Variants in TTC7A observed in about 807,000 individuals in gnomAD.
TTC7A encodes the protein tetratricopeptide repeat domain 7A.
Under a neutral mutation model 103.7 loss-of-function variants are expected in TTC7A, and 110 were observed. That is an observed-to-expected ratio of 1.06 (90% CI 0.91 to 1.24). The LOEUF (loss-of-function observed/expected upper bound fraction) is 1.24, where lower values mean the gene tolerates loss of function less well. Ranked by LOEUF, TTC7A falls within the 50% of genes most tolerant of loss-of-function variation. TTC7A has a pLI of 0.00. For synonymous variants in TTC7A, 521 were observed against 467.9 expected (o/e 1.11, Z -1.47); for missense variants, 1,340 against 1,116.3 (o/e 1.20, Z -2.86).
At chr2:46,978,264 G>A (rs1674069972) in intron 4 of TTC7A, 2 of 154,008 alleles carry the variant, frequency 1.3e-5, no homozygotes, top group Admixed American at 1.3e-4. Flanking sequence ...GAGTGGAGAG[G>A]GGAACCTGAC....
intron 1 of TTC7A, among the ~76,000 whole-genome samples, chr2:46,945,524 G>A (rs900311312): frequency 3.3e-5 from 5 of 152,116 alleles, no homozygotes; most frequent in East Asian, 1.9e-4. Context: ...CTGGGATTAC[G>A]GGCGTGAGCC....
rs1368982572 is a variant in TTC7A, at chr2:46,990,054, C to T, written c.765-3396C>T. On this transcript the variant is annotated intron_variant, in intron 5 of 19. Coordinates refer to ENST00000319190, the MANE Select transcript of TTC7A (RefSeq NM_020458.4). ...CTTGGTAGCAGGTGCCAGGACCTGCCGGCCCCCTGTAGGCCACAGGGCCCT... is the reference window on the plus strand; with the variant it reads ...CTTGGTAGCAGGTGCCAGGACCTGCTGGCCCCCTGTAGGCCACAGGGCCCT... Among the ~76,000 whole-genome samples, 7 of 152,322 alleles carry T rather than the reference C, an allele frequency of 4.6e-5. No individual in the cohort carries two copies. The South Asian group carries it at 8.3e-4, about 18-fold the overall frequency.
chr2:46,988,503 C>T (rs941620585), intron 5 of TTC7A, among the ~76,000 whole-genome samples: 4 of 152,224 alleles, frequency 2.6e-5, no homozygotes, highest in African/African-American at 9.7e-5. Flanking sequence ...GGACATCTGG[C>T]CAGGGCCATA....
intron 10 of TTC7A, among the ~76,000 whole-genome samples, chr2:47,008,061 T>A (rs918725641): frequency 6.6e-6 from 1 of 152,108 alleles, no homozygotes. Flanking sequence ...CCGGTCAGCC[T>A]GGGGTAGTAG....
chr2:46,969,395 T>A (rs1652245319), intron 3 of TTC7A, among the ~76,000 whole-genome samples: 1 of 151,926 alleles, frequency 6.6e-6, no homozygotes, highest in South Asian at 2.1e-4. Context: ...TAGTCCCAGC[T>A]ACTCGGGAGG....
At chr2:47,071,736 G>C (rs1471437734) in intron 19 of TTC7A, among the ~76,000 whole-genome samples, 1 of 152,120 alleles carries the variant, frequency 6.6e-6, no homozygotes, top group Non-Finnish European at 1.5e-5. Context: ...CCGAAACTGA[G>C]AATACACACA....
At chr2:46,945,818 G>A (rs983580745) in intron 1 of TTC7A, among the ~76,000 whole-genome samples, 28 of 152,154 alleles carry the variant, frequency 1.8e-4, no homozygotes, top group African/African-American at 6.8e-4. Flanking sequence ...GAGGCAGATG[G>A]TCTCTTGCTA....
chr2:47,061,700 G>A (rs1238889541), intron 19 of TTC7A, among the ~76,000 whole-genome samples: 4 of 152,178 alleles, frequency 2.6e-5, no homozygotes, highest in Admixed American at 6.5e-5. Flanking sequence ...TTATCTGTCC[G>A]GTGGATATCC....
At chr2:47,071,930 C>T (rs1006542757) in intron 19 of TTC7A, among the ~76,000 whole-genome samples, 2 of 152,262 alleles carry the variant, frequency 1.3e-5, no homozygotes, top group African/African-American at 4.8e-5. Context: ...TCTGGGAGGC[C>T]TTGCCGGCCT....
chr2:47,031,307 T>C (rs919962085), intron 15 of TTC7A, among the ~76,000 whole-genome samples: 13 of 152,238 alleles, frequency 8.5e-5, no homozygotes, highest in African/African-American at 2.9e-4. Context: ...GGTAAGAACA[T>C]TTTATTTTTA....
In TTC7A at chr2:47,033,524, C is replaced by A. The variant is rs1160869775; in HGVS notation, c.1802+4140C>A. Among the ~76,000 whole-genome samples, 5 of 152,180 alleles carry A rather than the reference C, an allele frequency of 3.3e-5. No individual in the cohort carries two copies. The South Asian group carries it at 6.2e-4, about 19-fold the overall frequency. ...GGGAGGAAACTGGTGGGGGAATGGA[C>A]CCCTGTCCATGTGAGCTGGTCCTTG... On this transcript the variant is annotated intron_variant, in intron 15 of 19. Transcript: ENST00000319190.
At chr2:47,072,160 C>T (rs1684790265) in intron 19 of TTC7A, among the ~76,000 whole-genome samples, 1 of 152,214 alleles carries the variant, frequency 6.6e-6, no homozygotes, top group South Asian at 2.1e-4. Flanking sequence ...GGCCACTACC[C>T]TTGGTCCCAG....
chr2:46,970,452 T>C (rs2104179221), intron 3 of TTC7A, among the ~76,000 whole-genome samples: 1 of 152,344 alleles, frequency 6.6e-6, no homozygotes, highest in East Asian at 1.9e-4. Context: ...TCTGGAGGCT[T>C]GGGGCTGGCA....
chr2:47,003,591 C>T (rs13400266), intron 8 of TTC7A, among the ~76,000 whole-genome samples: 21,867 of 152,082 alleles, frequency 0.14, 2,219 homozygotes, highest in African/African-American at 0.29. Context: ...TTGGTCTGCA[C>T]AGACAGGCAG....
chr2:47,059,281 A>G (rs1013380457), intron 18 of TTC7A, among the ~76,000 whole-genome samples: 4 of 151,776 alleles, frequency 2.6e-5, no homozygotes, highest in African/African-American at 4.8e-5. Context: ...TTGGCCTCCC[A>G]AAGTGCTGGG....
intron 4 of TTC7A, among the ~76,000 whole-genome samples, chr2:46,976,903 A>G (rs994580219): frequency 3.3e-5 from 5 of 152,188 alleles, no homozygotes; most frequent in Admixed American, 6.5e-5. Flanking sequence ...CTCAGCAAAT[A>G]TAGGACTTGA....
At chr2:47,048,361 G>T (rs1682537180) in intron 16 of TTC7A, among the ~76,000 whole-genome samples, 1 of 152,184 alleles carries the variant, frequency 6.6e-6, no homozygotes, top group Admixed American at 6.5e-5. Context: ...CCCTTCACGG[G>T]ATGGGAGAAA....
intron 5 of TTC7A, among the ~76,000 whole-genome samples, chr2:46,986,399 C>T (rs1293560964): frequency 6.6e-6 from 1 of 152,184 alleles, no homozygotes; most frequent in African/African-American, 2.4e-5. Context: ...GCCAGATGCC[C>T]CGCCCTCACT....
Position 46,978,875 on chromosome 2 carries a change from C to G in TTC7A, c.732C>G (p.Leu244=). ...TCACCTACTTCCTGGAAGCTGCCCT[C>G]CAGAGCGCCTATGTGAAAAACCTGA... The part of the protein sequence containing the change: ...YELTYFLEAA[L]QSAYVKNLKK... The change falls in exon 5 of 20, where the codon CTC becomes CTG. Residue 244 remains leucine (L), a synonymous_variant. Coordinates refer to ENST00000319190, the MANE Select transcript of TTC7A (RefSeq NM_020458.4). 1 of 1,614,084 alleles carries G rather than the reference C, an allele frequency of 6.2e-7. No homozygotes were observed. Among genetic ancestry groups the G allele is most frequent in the East Asian group, 2.2e-5 (1 of 44,876 alleles).
Sources: gnomAD v4.1 joint callset for allele counts (sites outside exome capture counted in the v4.1 genomes callset) on GRCh38, gnomAD v4.1.1 for gene constraint, MANE v1.5 for transcripts, NCBI Gene and HGNC (gene_info 2026-07-23, HGNC 2026-07-21) for gene names.